PRIMA1: variants seen among roughly 807,000 people sequenced by gnomAD.
The protein encoded by PRIMA1 is proline rich membrane anchor 1.
PRIMA1 carries 7 observed loss-of-function variants against 17.5 expected under a neutral mutation model. That is an observed-to-expected ratio of 0.40 (90% CI 0.23 to 0.75). The LOEUF (loss-of-function observed/expected upper bound fraction) is 0.75, where lower values mean the gene tolerates loss of function less well. Among genes scored for constraint, PRIMA1 ranks in the 30% least tolerant of loss-of-function variants. The pLI is 0.37. For missense variants in PRIMA1, 200 were observed against 201.8 expected (o/e 0.99, Z 0.05); for synonymous variants, 97 against 77.9 (o/e 1.25, Z -1.29).
chr14:93,744,514 T>C (rs1340794620), intron 3 of PRIMA1, among the ~76,000 whole-genome samples: 3 of 151,746 alleles, frequency 2.0e-5, no homozygotes, highest in African/African-American at 7.2e-5. Flanking sequence ...AACCAGAGCA[T>C]GTGGGCCGCA....
intron 3 of PRIMA1, among the ~76,000 whole-genome samples, chr14:93,757,690 C>T (rs1274375584): frequency 6.6e-6 from 1 of 150,986 alleles, no homozygotes; most frequent in Non-Finnish European, 1.5e-5. Context: ...GAGTGGTGGG[C>T]TTTGTCTTGG....
chr14:93,771,774 A>T (rs1023760879), intron 3 of PRIMA1, among the ~76,000 whole-genome samples: 2 of 152,172 alleles, frequency 1.3e-5, no homozygotes, highest in African/African-American at 4.8e-5. Context: ...TCTACTTCGA[A>T]GGGGAGGCTG....
At chr14:93,744,876 G>A (rs768635540) in intron 3 of PRIMA1, among the ~76,000 whole-genome samples, 35 of 152,178 alleles carry the variant, frequency 2.3e-4, no homozygotes, top group Non-Finnish European at 4.1e-4. Flanking sequence ...TAGCCTCCCT[G>A]GGGCACAGAG....
upstream of PRIMA1, among the ~76,000 whole-genome samples, chr14:93,788,947 C>CGCGAGAGGCAGCG (rs1262426768): frequency 6.6e-5 from 10 of 152,230 alleles, no homozygotes; most frequent in African/African-American, 2.4e-4. Flanking sequence ...CACGCTGGCC[C>CGCGAGAGGCAGCG]GCGAGAGGCA....
At chr14:93,745,895 CG>C (rs1054628650) in intron 3 of PRIMA1, among the ~76,000 whole-genome samples, 3 of 152,210 alleles carry the variant, frequency 2.0e-5, no homozygotes, top group Non-Finnish European at 4.4e-5. Flanking sequence ...CACTGTAAGT[CG>C]GGGGAAGGCA....
At chr14:93,753,545 G>A (rs1299993541) in intron 3 of PRIMA1, among the ~76,000 whole-genome samples, 1 of 152,180 alleles carries the variant, frequency 6.6e-6, no homozygotes, top group African/African-American at 2.4e-5. Flanking sequence ...CTTGGGAGCA[G>A]GGAGCAGGCG....
chr14:93,770,048 C>T (rs926518160), intron 3 of PRIMA1, among the ~76,000 whole-genome samples: 2 of 152,188 alleles, frequency 1.3e-5, no homozygotes, highest in African/African-American at 4.8e-5. Context: ...CTTGCTTCCG[C>T]TCTCCCCCTA....
In PRIMA1 at chr14:93,737,342, C is replaced by T. The variant is rs1041982009; in HGVS notation, c.258G>A (p.Glu86=). 1.8e-5 allele frequency: 29 copies of T among 1,614,150 alleles called. No individual in the cohort carries two copies. Among genetic ancestry groups the T allele is most frequent in the Non-Finnish European group, 2.5e-5 (29 of 1,180,030 alleles). ...TCACCAGCCCCGACCACCAGCTTTC[C>T]TCAGTGGGGCAAGAGGTAGAGTTGG... ...PAPNSTSCPT[E]ESWWSGLVII... The change falls in exon 4 of 5, where the codon GAG becomes GAA. Residue 86 remains glutamate, a synonymous_variant. Transcript: ENST00000393140.
At chr14:93,771,418 C>T (rs1016095546) in intron 3 of PRIMA1, among the ~76,000 whole-genome samples, 1 of 152,212 alleles carries the variant, frequency 6.6e-6, no homozygotes, top group Non-Finnish European at 1.5e-5. Flanking sequence ...GCCCAGTTCA[C>T]AAGGCGGCAT....
intron 3 of PRIMA1, among the ~76,000 whole-genome samples, chr14:93,748,088 GTA>G (rs1298825418): frequency 8.6e-5 from 13 of 151,890 alleles, no homozygotes; most frequent in African/African-American, 2.7e-4. Flanking sequence ...GTGTGAGTGC[GTA>G]TGAGTGTGTG....
At position 93,776,709 on chromosome 14, in the gene PRIMA1, G is replaced by A. The variant is rs192222114; in HGVS notation, c.229+2467C>T. Among the ~76,000 whole-genome samples, 4 of 152,284 alleles carry A rather than the reference G, an allele frequency of 2.6e-5. No individual in the cohort carries two copies. The East Asian group carries it at 7.7e-4, about 29-fold the overall frequency. ...GCAGTTATGAGAGCTGATTTTAGAT[G>A]GTATATGGACCCAGCACTCAAACAC... On this transcript the variant is annotated intron_variant, in intron 3 of 4. Coordinates refer to ENST00000393140, the MANE Select transcript of PRIMA1 (RefSeq NM_178013.4).
chr14:93,787,799 C>T, intron 1 of PRIMA1, 50 bp from the exon 2 acceptor site: 3 of 1,499,374 alleles, frequency 2.0e-6, no homozygotes, highest in Non-Finnish European at 8.9e-7. Context: ...CAGGCACTTC[C>T]GCCGCCGCGC....
At chr14:93,722,084 T>C (rs1270226935) in intron 4 of PRIMA1, among the ~76,000 whole-genome samples, 2 of 71,866 alleles carry the variant, frequency 2.8e-5, no homozygotes, top group African/African-American at 1.1e-4. Flanking sequence ...GTGGTAGTGG[T>C]GATGCTGGTG....
At position 93,787,613 on chromosome 14, in the gene PRIMA1, C is replaced by T. The variant is rs1284216918; in HGVS notation, c.93+13G>A. ...GAGGCCCTCCCAGCCAGTGCGCAGC[C>T]GGCGCGTCTCACCTGCACGAAGCCC... On this transcript the variant is annotated intron_variant, in intron 2 of 4. Coordinates refer to ENST00000393140, the MANE Select transcript of PRIMA1 (RefSeq NM_178013.4). 6 of 1,539,916 alleles carry T rather than the reference C, an allele frequency of 3.9e-6. No homozygotes were observed. Among genetic ancestry groups the T allele is most frequent in the Non-Finnish European group, 5.2e-6 (6 of 1,146,760 alleles).
rs139698715 is a variant in PRIMA1 at position 93,743,883 on chromosome 14, G to A, written c.230-6513C>T. Among the ~76,000 whole-genome samples the A allele has an allele frequency of 3.9e-4, 60 of 152,338 alleles. 1 individual carries two copies. Among genetic ancestry groups the A allele is most frequent in the South Asian group, 1.5e-3 (7 of 4,820 alleles). ...ATGTCACGGAAAAGTGCAAATGCAC[G>A]GGACTCGGTGCGCGCTGAAAGGGGG... On this transcript the variant is annotated intron_variant, in intron 3 of 4. Coordinates refer to ENST00000393140, the MANE Select transcript of PRIMA1 (RefSeq NM_178013.4).
At chr14:93,729,784 T>C (rs2141154810) in intron 4 of PRIMA1, among the ~76,000 whole-genome samples, 1 of 152,056 alleles carries the variant, frequency 6.6e-6, no homozygotes, top group East Asian at 1.9e-4. Flanking sequence ...GGGAGTGTGT[T>C]ATGCGCAGGT....
chr14:93,749,473 C>T (rs762236660), intron 3 of PRIMA1, among the ~76,000 whole-genome samples: 17 of 152,196 alleles, frequency 1.1e-4, no homozygotes, highest in Non-Finnish European at 2.2e-4. Flanking sequence ...ATTAAATCAT[C>T]ACCAAGTAAA....
intron 3 of PRIMA1, among the ~76,000 whole-genome samples, chr14:93,747,018 T>A (rs1480024174): frequency 6.6e-6 from 1 of 152,160 alleles, no homozygotes; most frequent in Non-Finnish European, 1.5e-5. Flanking sequence ...GGCCGGACTC[T>A]GCGTTGAGAA....
At chr14:93,722,351 A>G (rs137888354) in intron 4 of PRIMA1, among the ~76,000 whole-genome samples, 248 of 3,662 alleles carry the variant, frequency 0.068, 2 homozygotes, top group African/African-American at 0.11. Flanking sequence ...TAATGGGGTG[A>G]TGGTGGTAGT....
Sources: allele counts gnomAD v4.1 joint callset (sites outside exome capture counted in the v4.1 genomes callset), GRCh38; gene constraint gnomAD v4.1.1; transcripts MANE v1.5; gene names NCBI Gene and HGNC (gene_info 2026-07-23, HGNC 2026-07-21).